The following PTBP3 variants were observed in gnomAD, a reference collection of about 807,000 sequenced individuals.
The protein encoded by PTBP3 is polypyrimidine tract binding protein 3, also known as polypyrimidine tract-binding protein 3.
In PTBP3, 20 loss-of-function variants were observed where a neutral mutation model predicts 58.7. The observed-to-expected ratio is 0.34, with a 90% CI of 0.24 to 0.50. The LOEUF (loss-of-function observed/expected upper bound fraction) is 0.50. PTBP3 is among the 20% of genes least tolerant of loss of function. The probability of loss-of-function intolerance (pLI) is 0.98; values close to 1 mark genes in which losing one functional copy is unlikely to be tolerated. For synonymous variants in PTBP3, 185 were observed against 219.8 expected (o/e 0.84, Z 1.40); for missense variants, 509 against 637.2 (o/e 0.80, Z 2.17).
At chr9:112,282,035 C>T (rs1286828416) in intron 2 of PTBP3, among the ~76,000 whole-genome samples, 1 of 152,146 alleles carries the variant, frequency 6.6e-6, no homozygotes, top group Non-Finnish European at 1.5e-5. Context: ...GACATGCAAG[C>T]AAGCTCTCTA....
chr9:112,326,143 A>G (rs1346668598), intron 1 of PTBP3, among the ~76,000 whole-genome samples: 1 of 152,250 alleles, frequency 6.6e-6, no homozygotes, highest in East Asian at 1.9e-4. Context: ...AATGAGGTAT[A>G]CAGGAAACAC....
rs759096338 is a variant in PTBP3 at position 112,275,844 on chromosome 9, C to T, written c.204G>A (p.Gln68=). 3.1e-6 allele frequency: 5 copies of T among 1,602,678 alleles called. No individual in the cohort carries two copies. Among genetic ancestry groups the T allele is most frequent in the Non-Finnish European group, 4.3e-6 (5 of 1,170,526 alleles). Residue 68 remains glutamine, a splice_region_variant and synonymous_variant, in exon 3 of 14, where the codon CAG becomes CAA. Coordinates refer to ENST00000374257, the MANE Select transcript of PTBP3 (RefSeq NM_001163788.4). Reference sequence around the variant, plus strand: ...TTGTCAATCTTTAAATATTACATACCTGGCTTTTTCCTTTCAACATCAAAA... The same window carrying T: ...TTGTCAATCTTTAAATATTACATACTTGGCTTTTTCCTTTCAACATCAAAA... ...TNLLMLKGKS[Q]AFLEMASEEA...
chr9:112,264,090 T>C (rs1272644942), intron 4 of PTBP3, among the ~76,000 whole-genome samples: 1 of 152,086 alleles, frequency 6.6e-6, no homozygotes, highest in Non-Finnish European at 1.5e-5. Context: ...ATAGTTAAAT[T>C]AATAAAGGAA....
At chr9:112,229,401 C>CA (rs58514341) in intron 10 of PTBP3, among the ~76,000 whole-genome samples, 1 of 151,684 alleles carries the variant, frequency 6.6e-6, no homozygotes, top group Admixed American at 6.6e-5. Flanking sequence ...CCGTCTCTAC[C>CA]AAAAAATACA....
intron 12 of PTBP3, among the ~76,000 whole-genome samples, chr9:112,224,789 T>A (rs143650345): frequency 8.3e-4 from 127 of 152,318 alleles, no homozygotes; most frequent in African/African-American, 2.9e-3. Flanking sequence ...CTGAGAGACA[T>A]TGTGGTTTCT....
intron 1 of PTBP3, among the ~76,000 whole-genome samples, chr9:112,314,419 G>C (rs1248434170): frequency 6.6e-6 from 1 of 152,172 alleles, no homozygotes; most frequent in Non-Finnish European, 1.5e-5. Flanking sequence ...AGAACAGCTG[G>C]GTGCAGTAGC....
chr9:112,294,753 CA>C (rs1164056359), intron 2 of PTBP3, among the ~76,000 whole-genome samples: 3 of 151,700 alleles, frequency 2.0e-5, no homozygotes, highest in Admixed American at 6.6e-5. Context: ...TTCCAAAATT[CA>C]AAAGACTAAT....
the PTBP3 span, among the ~76,000 whole-genome samples, chr9:112,356,518 A>G: frequency 6.6e-6 from 1 of 151,980 alleles, no homozygotes; most frequent in Admixed American, 6.6e-5. Flanking sequence ...CTCTTATGCA[A>G]TAATTCCACA....
chr9:112,292,506 C>T (rs957472307), intron 2 of PTBP3, among the ~76,000 whole-genome samples: 1 of 152,174 alleles, frequency 6.6e-6, no homozygotes, highest in Admixed American at 6.5e-5. Context: ...CACAATAGCA[C>T]AATAGCTAAG....
intron 1 of PTBP3, chr9:112,330,354 A>G: frequency 9.9e-7 from 1 of 1,012,934 alleles, no homozygotes; most frequent in Non-Finnish European, 1.5e-6. Flanking sequence ...TTTACACAAT[A>G]AAGCAGATAA....
the PTBP3 span, among the ~76,000 whole-genome samples, chr9:112,368,018 G>A: frequency 8.3e-4 from 126 of 151,930 alleles, no homozygotes; most frequent in East Asian, 0.02. Flanking sequence ...TTGTTGAGAC[G>A]AAGTCTCACT....
intron 1 of PTBP3, among the ~76,000 whole-genome samples, chr9:112,327,666 A>C (rs1485575155): frequency 6.6e-6 from 1 of 152,218 alleles, no homozygotes. Context: ...ACCACAAATA[A>C]CATCCAAGGT....
intron 9 of PTBP3, 98 bp downstream of exon 9, chr9:112,231,972 AAGAGAAGAGAAGAGAAGAGAAGAGAAGAG>A (rs1835236733): frequency 3.0e-6 from 1 of 328,320 alleles, no homozygotes; most frequent in African/African-American, 5.6e-5. Flanking sequence ...GAGAAGAGAG[AAGAGAAGAGAAGAGAAGAGAAGAGAAGAG>A]AAGAGAAGAG....
chr9:112,356,273 C>A, the PTBP3 span, among the ~76,000 whole-genome samples: 1 of 152,236 alleles, frequency 6.6e-6, no homozygotes, highest in African/African-American at 2.4e-5. Flanking sequence ...GCCACAGTAC[C>A]GGACTGGAAA....
intron 1 of PTBP3, among the ~76,000 whole-genome samples, chr9:112,320,335 C>A (rs1829894370): frequency 3.1e-5 from 1 of 32,010 alleles, no homozygotes; most frequent in Non-Finnish European, 4.9e-5. Context: ...AGTGTTATCA[C>A]CAGAAAAAAT....
At chr9:112,362,533 CT>C in the PTBP3 span, among the ~76,000 whole-genome samples, 37 of 152,058 alleles carry the variant, frequency 2.4e-4, no homozygotes, top group Non-Finnish European at 2.8e-4. Context: ...AATGTATCTT[CT>C]TTTTTTTCCC....
At chr9:112,321,627 C>T (rs1829956297) in intron 1 of PTBP3, among the ~76,000 whole-genome samples, 1 of 152,018 alleles carries the variant, frequency 6.6e-6, no homozygotes, top group Non-Finnish European at 1.5e-5. Context: ...GGCAAATCAC[C>T]ACATCAAAAT....
intron 1 of PTBP3, among the ~76,000 whole-genome samples, chr9:112,305,216 C>T (rs2132350566): frequency 6.6e-6 from 1 of 151,688 alleles, no homozygotes. Flanking sequence ...CCTTTCCTTC[C>T]TAGAGGTAAT....
chr9:112,329,844 A>T (rs1180806842), intron 1 of PTBP3, among the ~76,000 whole-genome samples: 2 of 67,954 alleles, frequency 2.9e-5, no homozygotes, highest in Non-Finnish European at 5.2e-5. Context: ...CCTAGGCTAC[A>T]CTTTTTTTTT....
Sources: allele counts gnomAD v4.1 joint callset (sites outside exome capture counted in the v4.1 genomes callset), GRCh38; gene constraint gnomAD v4.1.1; transcripts MANE v1.5; gene names NCBI Gene and HGNC (gene_info 2026-07-23, HGNC 2026-07-21).